The following NBEA variants were observed in gnomAD, a reference collection of about 807,000 sequenced individuals.
NBEA encodes the protein neurobeachin, also known as lysosomal-trafficking regulator 2.
NBEA carries 44 observed loss-of-function variants against 343.4 expected under a neutral mutation model. The observed-to-expected ratio is 0.13, with a 90% CI of 0.10 to 0.16. The LOEUF (loss-of-function observed/expected upper bound fraction) is 0.16, where lower values mean the gene tolerates loss of function less well. NBEA is among the 10% of genes least tolerant of loss of function. NBEA has a pLI of 1.00. For synonymous variants in NBEA, 1,175 were observed against 1,238.7 expected (o/e 0.95, Z 1.08); for missense variants, 2,555 against 3,631.3 (o/e 0.70, Z 7.62).
At chr13:35,429,124 G>A (rs1269865960) in intron 38 of NBEA, among the ~76,000 whole-genome samples, 1 of 152,184 alleles carries the variant, frequency 6.6e-6, no homozygotes, top group Non-Finnish European at 1.5e-5. Context: ...CCCCATTACT[G>A]TCCAATGGGA....
At chr13:35,344,673 C>A (rs555557698) in intron 36 of NBEA, among the ~76,000 whole-genome samples, 1 of 151,924 alleles carries the variant, frequency 6.6e-6, no homozygotes, top group Non-Finnish European at 1.5e-5. Context: ...TGAGCAATGT[C>A]CTAGAAAATA....
At chr13:35,041,384 T>C (rs1269773484) in intron 2 of NBEA, among the ~76,000 whole-genome samples, 2 of 152,090 alleles carry the variant, frequency 1.3e-5, no homozygotes, top group African/African-American at 4.8e-5. Flanking sequence ...CTAATGTTGT[T>C]TTCTAAATTT....
At chr13:35,129,486 C>T (rs947590371) in intron 17 of NBEA, among the ~76,000 whole-genome samples, 34 of 151,790 alleles carry the variant, frequency 2.2e-4, no homozygotes, top group African/African-American at 7.7e-4. Flanking sequence ...GTAGTAATTA[C>T]AATGAACACC....
intron 34 of NBEA, among the ~76,000 whole-genome samples, chr13:35,273,019 G>C (rs1443958781): frequency 6.6e-6 from 1 of 152,128 alleles, no homozygotes; most frequent in African/African-American, 2.4e-5. Context: ...GACAGCTACA[G>C]AACTCTCCAC....
chr13:35,049,506 A>G (rs745972797), intron 5 of NBEA, among the ~76,000 whole-genome samples: 4 of 151,842 alleles, frequency 2.6e-5, no homozygotes, highest in Non-Finnish European at 4.4e-5. Flanking sequence ...AGAAATGTGA[A>G]CACAGAAATA....
intron 35 of NBEA, among the ~76,000 whole-genome samples, chr13:35,305,280 C>T (rs975948352): frequency 2.0e-5 from 3 of 152,308 alleles, no homozygotes; most frequent in African/African-American, 7.2e-5. Flanking sequence ...AGTATTCTGT[C>T]AGCCTCTGCT....
chr13:35,433,998 T>C (rs990560547), intron 39 of NBEA, among the ~76,000 whole-genome samples: 1 of 152,116 alleles, frequency 6.6e-6, no homozygotes, highest in Admixed American at 6.5e-5. Context: ...TACAGTGATA[T>C]CATTAGTAAT....
intron 41 of NBEA, among the ~76,000 whole-genome samples, chr13:35,548,321 G>T (rs1246682736): frequency 2.0e-5 from 3 of 152,068 alleles, no homozygotes; most frequent in Admixed American, 6.5e-5. Flanking sequence ...GGAGCTATCT[G>T]CTTGCTATAA....
At chr13:35,289,904 GA>G (rs1179095063) in intron 34 of NBEA, among the ~76,000 whole-genome samples, 27 of 151,606 alleles carry the variant, frequency 1.8e-4, no homozygotes, top group Non-Finnish European at 1.0e-4. Context: ...TTTAATAACT[GA>G]TAAGCTATTG....
intron 38 of NBEA, among the ~76,000 whole-genome samples, chr13:35,385,506 C>A (rs922682153): frequency 1.3e-5 from 2 of 152,048 alleles, no homozygotes; most frequent in African/African-American, 4.8e-5. Context: ...CTAAACCAGC[C>A]TGGGCAACAT....
intron 38 of NBEA, among the ~76,000 whole-genome samples, chr13:35,403,437 C>T (rs1230087869): frequency 6.6e-6 from 1 of 151,838 alleles, no homozygotes; most frequent in Non-Finnish European, 1.5e-5. Flanking sequence ...AAGAACAATA[C>T]AGAAATAACG....
At chr13:35,195,778 T>A in intron 30 of NBEA, 86 bp from the exon 31 acceptor site, 1 of 1,258,024 alleles carries the variant, frequency 7.9e-7, no homozygotes, top group Non-Finnish European at 1.1e-6. Flanking sequence ...TTTGTTTTCT[T>A]TATTTGAATA....
rs756811399 is a variant in NBEA at position 35,655,681 on chromosome 13, G to A, written c.8294G>A (p.Arg2765Gln). The A allele has an allele frequency of 1.2e-6, 2 of 1,613,796 alleles. No individual in the cohort carries two copies. The highest frequency in any genetic ancestry group is 1.1e-5 in the South Asian group (1 of 91,086). Residue 2765 changes from arginine to glutamine, a missense_variant, in exon 55 of 59, where the codon CGA (arginine) becomes CAA (glutamine). Physicochemically the swap from Arg to Gln is conservative, Grantham distance 43 (BLOSUM62 1). Transcript: ENST00000379939. ...GACTGCTACATCGTGTCCGGATCTC[G>A]AGATGCCACCCTGCTGCTCTGGTAC... ...GGDCYIVSGS[R>Q]DATLLLWYWS...
intron 1 of NBEA, among the ~76,000 whole-genome samples, chr13:34,984,597 T>C (rs2060481885): frequency 6.6e-6 from 1 of 151,008 alleles, no homozygotes; most frequent in African/African-American, 2.4e-5. Context: ...ACTGATAGCT[T>C]GATGGGGATG....
At chr13:35,574,396 C>CAAAAAAAAAAAAAAAAAAAAAAAG (rs2080618880) in intron 45 of NBEA, among the ~76,000 whole-genome samples, 1 of 135,134 alleles carries the variant, frequency 7.4e-6, no homozygotes, top group African/African-American at 2.8e-5. Flanking sequence ...AAAAGAAAAA[C>CAAAAAAAAAAAAAAAAAAAAAAAG]AAAAGAAAAA....
intron 13 of NBEA, among the ~76,000 whole-genome samples, chr13:35,116,745 T>C (rs2066510556): frequency 6.6e-6 from 1 of 152,122 alleles, no homozygotes. Context: ...AAAAGTATTC[T>C]GTATTGTATA....
At chr13:35,053,267 T>C (rs1481797045) in intron 6 of NBEA, among the ~76,000 whole-genome samples, 2 of 152,094 alleles carry the variant, frequency 1.3e-5, no homozygotes, top group Admixed American at 6.6e-5. Flanking sequence ...ATCTGGTCTT[T>C]GCCTGTTTTT....
At position 35,566,981 on chromosome 13, in the gene NBEA, C is replaced by T; in HGVS notation, c.6999C>T (p.Asp2333=). ...CCAACTATGAATCAGAAGAGTTGGA[C>T]CTGACTCTTCCAGGAAACTTCAGGG... ...VLTNYESEEL[D]LTLPGNFRDL... Residue 2333 remains aspartate, a synonymous_variant, in exon 45 of 59, where the codon GAC becomes GAT. Coordinates refer to ENST00000379939, the MANE Select transcript of NBEA (RefSeq NM_001385012.1). The T allele has an allele frequency of 6.2e-7, 1 of 1,610,978 alleles. No individual in the cohort carries two copies. The highest frequency in any genetic ancestry group is 8.5e-7 in the Non-Finnish European group (1 of 1,177,490).
intron 2 of NBEA, among the ~76,000 whole-genome samples, chr13:35,042,500 C>G (rs2062691556): frequency 6.6e-6 from 1 of 151,620 alleles, no homozygotes; most frequent in Admixed American, 6.6e-5. Flanking sequence ...TTGGCTGCTA[C>G]TCTATGGAGT....
Sources: gnomAD v4.1 joint callset for allele counts (sites outside exome capture counted in the v4.1 genomes callset) on GRCh38, gnomAD v4.1.1 for gene constraint, MANE v1.5 for transcripts, NCBI Gene and HGNC (gene_info 2026-07-23, HGNC 2026-07-21) for gene names.